Variants in TMC2 observed in about 807,000 individuals in gnomAD.
TMC2 encodes transmembrane channel like 2.
Under a neutral mutation model 105.9 loss-of-function variants are expected in TMC2, and 102 were observed. That is an observed-to-expected ratio of 0.96 (90% CI 0.82 to 1.14). The LOEUF is 1.14. TMC2 is among the 50% of genes most tolerant of loss of function. The pLI, the probability that TMC2 is intolerant of heterozygous loss-of-function variation, is 0.00. For synonymous variants in TMC2, 402 were observed against 422.8 expected (o/e 0.95, Z 0.60); for missense variants, 1,093 against 1,134.3 (o/e 0.96, Z 0.52).
chr20:2,567,130 T>C (rs2086069764), intron 4 of TMC2, among the ~76,000 whole-genome samples: 1 of 152,148 alleles, frequency 6.6e-6, no homozygotes, highest in African/African-American at 2.4e-5. Context: ...GTAGTAATGA[T>C]CCCTCCTTTT....
At chr20:2,562,244 C>A (rs145257682) in intron 4 of TMC2, among the ~76,000 whole-genome samples, 1 of 152,260 alleles carries the variant, frequency 6.6e-6, no homozygotes, top group Admixed American at 6.5e-5. Flanking sequence ...TGTGCCCATG[C>A]CTTCCCTTGC....
chr20:2,562,433 G>A lies in TMC2; in HGVS notation c.554+423G>A, dbSNP rs554784918. Among the ~76,000 whole-genome samples, 10 of 152,332 alleles carry A rather than the reference G, an allele frequency of 6.6e-5. No homozygotes were observed. The South Asian group carries it at 1.4e-3, about 22-fold the overall frequency. On this transcript the variant is annotated intron_variant, in intron 4 of 19. Transcript: ENST00000358864. Reference sequence around the variant, plus strand: ...TCCATGTGTACACACTCTCGCTTGCGTGATTTGCACGGTGAGTGGGAGAGG... The same window carrying A: ...TCCATGTGTACACACTCTCGCTTGCATGATTTGCACGGTGAGTGGGAGAGG...
intron 10 of TMC2, among the ~76,000 whole-genome samples, chr20:2,600,789 A>C (rs2086345328): frequency 1.3e-5 from 2 of 150,932 alleles, no homozygotes; most frequent in Non-Finnish European, 2.9e-5. Flanking sequence ...GTGCCACTGC[A>C]CTCCAGGCTG....
intron 11 of TMC2, among the ~76,000 whole-genome samples, chr20:2,606,792 C>T (rs1344991062): frequency 2.7e-5 from 4 of 150,754 alleles, no homozygotes; most frequent in Non-Finnish European, 5.9e-5. Context: ...AAACTTTCCC[C>T]CTTTTTATCT....
Position 2,583,652 on chromosome 20 carries a change from G to A in TMC2, c.834+3596G>A, listed in dbSNP as rs1473205867. Among the ~76,000 whole-genome samples the A allele has an allele frequency of 2.6e-5, 4 of 152,056 alleles. No individual in the cohort carries two copies. The South Asian group carries it at 6.2e-4, about 24-fold the overall frequency. ...TAATTTTTGTATTTTTAGTAGAGAC[G>A]GGATTTCAGCATCTTGGCCTGGCTG... On this transcript the variant is annotated intron_variant, in intron 7 of 19. Transcript: ENST00000358864.
chr20:2,568,835 G>C (rs549437700), intron 4 of TMC2, among the ~76,000 whole-genome samples: 1 of 152,208 alleles, frequency 6.6e-6, no homozygotes, highest in African/African-American at 2.4e-5. Context: ...AGTAGGACAG[G>C]CAGCCTCACT....
At chr20:2,568,540 C>T (rs914574142) in intron 4 of TMC2, among the ~76,000 whole-genome samples, 2 of 152,138 alleles carry the variant, frequency 1.3e-5, no homozygotes, top group African/African-American at 2.4e-5. Context: ...ATGACTCAGG[C>T]GCAAGAGCTG....
Position 2,642,296 on chromosome 20 carries a change from G to A in TMC2, c.*945G>A, listed in dbSNP as rs2422816. On this transcript the variant is annotated 3_prime_UTR_variant, in exon 20 of 20. Coordinates refer to ENST00000358864, the MANE Select transcript of TMC2 (RefSeq NM_080751.3). ...CCAGTCATGGAGAGTGGGGATTGGT[G>A]GGAAGACTGGTGATACCCCAGTACC... 0.61 allele frequency among the ~76,000 whole-genome samples: 92,604 copies of A among 151,870 alleles called. 28,618 individuals carry two copies. Among genetic ancestry groups the A allele is most frequent in the East Asian group, 0.86 (4,418 of 5,160 alleles).
chr20:2,629,825 G>A (rs996706), intron 17 of TMC2, among the ~76,000 whole-genome samples: 114,926 of 152,220 alleles, frequency 0.75, 43,536 homozygotes, highest in East Asian at 0.87. Context: ...AGCTAAATCC[G>A]GACCACACTT....
chr20:2,608,100 G>A (rs1293940051), intron 11 of TMC2, among the ~76,000 whole-genome samples: 2 of 149,568 alleles, frequency 1.3e-5, no homozygotes, highest in Non-Finnish European at 3.0e-5. Flanking sequence ...CTCCAGCCTG[G>A]GTAACAAGAG....
intron 3 of TMC2, 86 bp from the exon 4 acceptor site, chr20:2,561,772 C>A (rs1208330945): frequency 3.4e-6 from 5 of 1,486,102 alleles, no homozygotes; most frequent in African/African-American, 2.8e-5. Flanking sequence ...GTGCCATCTT[C>A]CATGGGCCCC....
intron 4 of TMC2, among the ~76,000 whole-genome samples, chr20:2,565,729 A>T (rs547319361): frequency 6.6e-6 from 1 of 152,116 alleles, no homozygotes; most frequent in Non-Finnish European, 1.5e-5. Flanking sequence ...GAGCATGGTT[A>T]CTGTAGACTA....
At chr20:2,609,494 G>A (rs907245543) in intron 11 of TMC2, among the ~76,000 whole-genome samples, 11 of 152,194 alleles carry the variant, frequency 7.2e-5, no homozygotes, top group African/African-American at 2.7e-4. Flanking sequence ...TTAGGATGCA[G>A]GCTCAACAAG....
chr20:2,602,018 G>A (rs1020596814), intron 10 of TMC2, 95 bp from the exon 11 acceptor site: 7 of 791,872 alleles, frequency 8.8e-6, no homozygotes, highest in Non-Finnish European at 1.4e-5. Flanking sequence ...TTTCATTTCT[G>A]GAAATATAGA....
chr20:2,593,063 T>C (rs879669445), intron 8 of TMC2, among the ~76,000 whole-genome samples: 10 of 152,216 alleles, frequency 6.6e-5, no homozygotes, highest in Non-Finnish European at 1.3e-4. Context: ...ATGGGTTTAA[T>C]TGGTTCACAG....
rs1307296988 is a variant in TMC2 at position 2,616,834 on chromosome 20, A to C, written c.1941-238A>C. ...AGATGCCTGGGGGCGAGTCAGTGGT[A>C]AAATCTTGGCCAGAGCTTAAGCCAG... On this transcript the variant is annotated intron_variant, in intron 15 of 19. Coordinates refer to ENST00000358864, the MANE Select transcript of TMC2 (RefSeq NM_080751.3). The surrounding 1 kb of genome is among the most constrained non-coding windows in gnomAD (Gnocchi z 4.8). 6.6e-6 allele frequency among the ~76,000 whole-genome samples: 1 copy of C among 152,244 alleles called. No homozygotes were observed.
chr20:2,576,795 T>C (rs73585322), intron 5 of TMC2, among the ~76,000 whole-genome samples: 16,156 of 152,100 alleles, frequency 0.11, 973 homozygotes, highest in African/African-American at 0.15. Flanking sequence ...TGAAAGTCAC[T>C]GCCATAGAAA....
At chr20:2,611,376 A>C (rs954549002) in intron 12 of TMC2, among the ~76,000 whole-genome samples, 1 of 152,186 alleles carries the variant, frequency 6.6e-6, no homozygotes, top group Non-Finnish European at 1.5e-5. Flanking sequence ...ATCTGGCCCT[A>C]ACCTCTCCTC....
intron 4 of TMC2, among the ~76,000 whole-genome samples, chr20:2,563,835 G>T (rs370097710): frequency 6.7e-6 from 1 of 150,348 alleles, no homozygotes; most frequent in Admixed American, 6.6e-5. Context: ...CAAGTGATCC[G>T]CCTGCCACAA....
Sources: gnomAD v4.1 joint callset for allele counts (sites outside exome capture counted in the v4.1 genomes callset) on GRCh38, gnomAD v4.1.1 for gene constraint, Gnocchi (gnomAD v3.1) non-coding constraint, MANE v1.5 for transcripts, NCBI Gene and HGNC (gene_info 2026-07-23, HGNC 2026-07-21) for gene names.